Variants in SLIT3 observed in about 807,000 individuals in gnomAD.
SLIT3 encodes slit guidance ligand 3.
In SLIT3, 68 loss-of-function variants were observed where a neutral mutation model predicts 184.0. The ratio of observed to expected loss-of-function variants is 0.37; its 90% CI spans 0.30 to 0.45. The LOEUF (loss-of-function observed/expected upper bound fraction) is 0.45. Ranked by LOEUF, SLIT3 falls within the 20% of genes least tolerant of loss-of-function variation. The pLI is 1.00. For missense variants in SLIT3, 1,707 were observed against 2,026.0 expected (o/e 0.84, Z 3.02); for synonymous variants, 831 against 828.6 (o/e 1.00, Z -0.05).
intron 4 of SLIT3, among the ~76,000 whole-genome samples, chr5:168,988,303 T>A (rs538350925): frequency 2.0e-5 from 3 of 152,252 alleles, no homozygotes; most frequent in Non-Finnish European, 4.4e-5. Context: ...TTTCCCTTTT[T>A]TTCCCATGGA....
chr5:168,692,776 G>A (rs543000934), intron 28 of SLIT3, 76 bp from the exon 29 acceptor site: 12 of 1,053,296 alleles, frequency 1.1e-5, no homozygotes, highest in Middle Eastern at 2.3e-4. Flanking sequence ...GAGTACTAGG[G>A]GGGATATCCT....
intron 4 of SLIT3, among the ~76,000 whole-genome samples, chr5:169,028,447 G>T (rs1756910837): frequency 6.6e-6 from 1 of 152,186 alleles, no homozygotes; most frequent in Non-Finnish European, 1.5e-5. Context: ...CTTTGCCACG[G>T]TTTTCTCATC....
At chr5:169,138,475 C>T (rs573677661) in intron 4 of SLIT3, among the ~76,000 whole-genome samples, 2 of 152,158 alleles carry the variant, frequency 1.3e-5, no homozygotes, top group Admixed American at 1.3e-4. Context: ...CCCCTTCCCC[C>T]CTAGAGCACT....
chr5:168,774,989 T>A (rs1328448262), intron 12 of SLIT3, among the ~76,000 whole-genome samples: 1 of 150,480 alleles, frequency 6.6e-6, no homozygotes, highest in East Asian at 2.0e-4. Flanking sequence ...GCCAACCTCA[T>A]CCTAACCCCA....
chr5:168,919,925 C>T (rs1253295250), intron 4 of SLIT3, among the ~76,000 whole-genome samples: 2 of 152,122 alleles, frequency 1.3e-5, no homozygotes, highest in African/African-American at 4.8e-5. Flanking sequence ...ATTCAATATG[C>T]TTTCTTCTAT....
At chr5:168,971,451 A>G (rs62377246) in intron 4 of SLIT3, among the ~76,000 whole-genome samples, 6,059 of 152,302 alleles carry the variant, frequency 0.04, 158 homozygotes, top group Middle Eastern at 0.065. Flanking sequence ...GTCTTTCTAC[A>G]TGGTTGTACC....
intron 4 of SLIT3, among the ~76,000 whole-genome samples, chr5:168,962,452 A>G (rs1581249116): frequency 6.6e-6 from 1 of 152,180 alleles, no homozygotes; most frequent in African/African-American, 2.4e-5. Flanking sequence ...TTTTAGGAGA[A>G]TATAACCAGA....
chr5:169,058,633 T>G (rs1581361758), intron 4 of SLIT3, among the ~76,000 whole-genome samples: 1 of 152,356 alleles, frequency 6.6e-6, no homozygotes, highest in African/African-American at 2.4e-5. Flanking sequence ...AAAGCATTCC[T>G]TGTGGCTGCT....
intron 4 of SLIT3, among the ~76,000 whole-genome samples, chr5:169,139,705 G>A (rs1418622520): frequency 1.3e-5 from 2 of 152,160 alleles, no homozygotes; most frequent in African/African-American, 2.4e-5. Flanking sequence ...GAGGGAACAC[G>A]AGGTGCTGAC....
At chr5:169,101,364 C>T (rs1406679941) in intron 4 of SLIT3, among the ~76,000 whole-genome samples, 1 of 152,186 alleles carries the variant, frequency 6.6e-6, no homozygotes, top group Non-Finnish European at 1.5e-5. Flanking sequence ...TCTAGACCTC[C>T]CACCATGGAA....
Position 169,287,377 on chromosome 5 carries a change from A to AT in SLIT3, c.197+13135dup, listed in dbSNP as rs567211956. Reference sequence around the variant, plus strand: ...CCCCTCTGCTTCCACATGATTCCCTATTTTTTTTTGTACTAGATGTGGTCC... The same window carrying AT: ...CCCCTCTGCTTCCACATGATTCCCTATTTTTTTTTTGTACTAGATGTGGTCC... On this transcript the variant is annotated intron_variant, in intron 1 of 35. Transcript: ENST00000519560. 3.2e-3 allele frequency among the ~76,000 whole-genome samples: 474 copies of AT among 150,118 alleles called. 1 individual carries two copies. The highest frequency in any genetic ancestry group is 6.9e-3 in the Middle Eastern group (2 of 290).
chr5:168,751,599 T>G (rs1433744796), intron 18 of SLIT3, among the ~76,000 whole-genome samples: 9 of 152,162 alleles, frequency 5.9e-5, no homozygotes, highest in Non-Finnish European at 1.3e-4. Context: ...CTCTAGAGTC[T>G]TACCCATTAT....
Position 168,692,666 on chromosome 5 carries a change from C to A in SLIT3, c.3117G>T (p.Val1039=). 6.2e-7 allele frequency: 1 copy of A among 1,614,090 alleles called. No homozygotes were observed. The highest frequency in any genetic ancestry group is 1.1e-5 in the South Asian group (1 of 91,054). The change falls in exon 29 of 36, where the codon GTG becomes GTT. Residue 1039 remains valine, a synonymous_variant. Coordinates refer to ENST00000519560, the MANE Select transcript of SLIT3 (RefSeq NM_003062.4). The stretch of plus-strand genomic sequence containing the variant: ...CATGCTGACAGAGGTTCAGCTCAGG[C>A]ACACAGTGGTCAATCACCTCGTCGC... ...ELCDEVIDHC[V]PELNLCQHEA...
chr5:169,249,581 A>C (rs1765705971), intron 2 of SLIT3, among the ~76,000 whole-genome samples: 1 of 151,092 alleles, frequency 6.6e-6, no homozygotes, highest in Non-Finnish European at 1.5e-5. Context: ...AATCTCTCAC[A>C]GATGCAGGGG....
At chr5:168,910,393 T>G (rs898735859) in intron 4 of SLIT3, among the ~76,000 whole-genome samples, 1 of 152,206 alleles carries the variant, frequency 6.6e-6, no homozygotes, top group Non-Finnish European at 1.5e-5. Context: ...TGCATCTGTA[T>G]ATTTACACAC....
chr5:168,841,164 C>T (rs1209541351), intron 6 of SLIT3, among the ~76,000 whole-genome samples: 2 of 152,238 alleles, frequency 1.3e-5, no homozygotes, highest in East Asian at 1.9e-4. Context: ...TGGCAACATG[C>T]ATCCAAAAGG....
intron 4 of SLIT3, among the ~76,000 whole-genome samples, chr5:169,188,951 A>G (rs1763449819): frequency 6.6e-6 from 1 of 152,152 alleles, no homozygotes; most frequent in Admixed American, 6.5e-5. Context: ...AAGAGCCTAG[A>G]AAGAACAGAA....
intron 4 of SLIT3, among the ~76,000 whole-genome samples, chr5:169,084,286 TTTC>T (rs1298175449): frequency 3.3e-5 from 5 of 149,902 alleles, no homozygotes; most frequent in East Asian, 3.9e-4. Flanking sequence ...TTCTTTTTCT[TTTC>T]TTTTTTTTTT....
chr5:169,241,378 T>A lies in SLIT3; in HGVS notation c.341+3327A>T, dbSNP rs186325622. 2.0e-5 allele frequency among the ~76,000 whole-genome samples: 3 copies of A among 152,316 alleles called. No homozygotes were observed. In the East Asian group the frequency reaches 5.8e-4, roughly 29 times the overall value. On this transcript the variant is annotated intron_variant, in intron 3 of 35. Coordinates refer to ENST00000519560, the MANE Select transcript of SLIT3 (RefSeq NM_003062.4). ...AGTGCCTGACATGCTATCTGACATA[T>A]GATAAAGAGCAGAATTTCTCAACTT...
Sources: allele counts gnomAD v4.1 joint callset (sites outside exome capture counted in the v4.1 genomes callset), GRCh38; gene constraint gnomAD v4.1.1; transcripts MANE v1.5; gene names NCBI Gene and HGNC (gene_info 2026-07-23, HGNC 2026-07-21).